The following CP variants were observed in gnomAD, a reference collection of about 807,000 sequenced individuals.
The protein encoded by CP is caeruloplasmin.
Under a neutral mutation model 122.4 loss-of-function variants are expected in CP, and 64 were observed. The observed-to-expected ratio is 0.52, with a 90% confidence interval of 0.43 to 0.64. CP has a LOEUF of 0.64. CP is among the 30% of genes least tolerant of loss of function. CP has a pLI of 0.00. For synonymous variants in CP, 440 were observed against 436.4 expected (o/e 1.01, Z -0.10); for missense variants, 1,167 against 1,284.4 (o/e 0.91, Z 1.40).
At chr3:149,190,368 C>T (rs192844863) in intron 9 of CP, among the ~76,000 whole-genome samples, 189 of 152,082 alleles carry the variant, frequency 1.2e-3, no homozygotes, top group Non-Finnish European at 4.3e-4. Flanking sequence ...TGATTAAAAA[C>T]ATAAACAGGC....
intron 13 of CP, among the ~76,000 whole-genome samples, chr3:149,183,031 G>A (rs1465431592): frequency 1.3e-5 from 2 of 152,006 alleles, no homozygotes; most frequent in Non-Finnish European, 2.9e-5. Flanking sequence ...CATCCCTGTA[G>A]TCCCAGCTAC....
Position 149,212,527 on chromosome 3 carries a change from A to G in CP, c.318T>C (p.Tyr106=), listed in dbSNP as rs764428918. ...IIKAETGDKV[Y]VHLKNLASRP... is the part of the protein sequence containing the mutation. ...TAGAGGCAAGGTTTTTTAAGTGTAC[A>G]TAAACTTTATCTCCAGTTTCAGCTT... The change falls in exon 2 of 19, where the codon TAT becomes TAC. Residue 106 remains tyrosine, a synonymous_variant. Transcript: ENST00000264613. 2.2e-5 allele frequency: 35 copies of G among 1,613,924 alleles called. No homozygotes were observed. The highest frequency in any genetic ancestry group is 2.8e-5 in the Non-Finnish European group (33 of 1,179,970).
chr3:149,207,609 C>T lies in CP; in HGVS notation c.790G>A (p.Gly264Arg). ...QESNRMYSVN[G>R]YTFGSLPGLS... Reference sequence around the variant, plus strand: ...CCTGGGAGACTTCCAAAAGTGTATCCATTCACAGCTGTAAGTCAAGAGCAG... The same window carrying T: ...CCTGGGAGACTTCCAAAAGTGTATCTATTCACAGCTGTAAGTCAAGAGCAG... The change falls in exon 5 of 19, where the codon GGA (glycine) becomes AGA (arginine). Residue 264 changes from glycine to arginine, a missense_variant. Physicochemically the swap from Gly to Arg is moderately radical, Grantham distance 125. This residue lies in a region of CP where 642 missense variants were observed against 627.3 expected (regional missense o/e 1.02). Transcript: ENST00000264613. 1.2e-6 allele frequency: 2 copies of T among 1,613,880 alleles called. No individual in the cohort carries two copies. The highest frequency in any genetic ancestry group is 1.7e-6 in the Non-Finnish European group (2 of 1,179,766).
At chr3:149,171,230 A>G (rs1724957554), downstream of CP, among the ~76,000 whole-genome samples, 1 of 152,202 alleles carries the variant, frequency 6.6e-6, no homozygotes, top group South Asian at 2.1e-4. Context: ...GTGAGCTGAG[A>G]TCGCACCACT....
At chr3:149,198,700 T>C in intron 8 of CP, 122 bp from the exon 9 acceptor site, 1 of 832,732 alleles carries the variant, frequency 1.2e-6, no homozygotes, top group South Asian at 1.5e-5. Context: ...TAAATTAGAA[T>C]GGAATCCCAC....
chr3:149,206,342 G>T lies in CP; in HGVS notation c.1037-3C>A, dbSNP rs754289834. 2.7e-5 allele frequency: 43 copies of T among 1,613,732 alleles called. No individual in the cohort carries two copies. The East Asian group carries it at 8.7e-4, about 33-fold the overall frequency. On this transcript the variant is annotated splice_polypyrimidine_tract_variant and splice_region_variant and intron_variant, in intron 5 of 18. Transcript: ENST00000264613. The stretch of plus-strand genomic sequence containing the variant: ...CTGGAAAAAGGCTTGCAAACCGGCT[G>T]AAATGAAACAGAAAGAGGCATTGAT...
chr3:149,195,447 G>C (rs1326161828), intron 9 of CP, among the ~76,000 whole-genome samples: 1 of 151,980 alleles, frequency 6.6e-6, no homozygotes, highest in Non-Finnish European at 1.5e-5. Flanking sequence ...GTCAAATAAG[G>C]GACTGATTGT....
At chr3:149,208,583 T>A (rs913489584) in intron 4 of CP, among the ~76,000 whole-genome samples, 1 of 152,186 alleles carries the variant, frequency 6.6e-6, no homozygotes, top group South Asian at 2.1e-4. Context: ...TAAACGAAAA[T>A]ATCTACTTAT....
intron 18 of CP, among the ~76,000 whole-genome samples, chr3:149,174,858 C>T (rs1187931697): frequency 6.6e-6 from 1 of 152,064 alleles, no homozygotes; most frequent in Non-Finnish European, 1.5e-5. Flanking sequence ...TTTCTCTTTG[C>T]AAAAGTCAAA....
intron 14 of CP, 24 bp downstream of exon 14, chr3:149,181,981 C>CGGGGGG: frequency 3.8e-6 from 2 of 520,432 alleles, no homozygotes; most frequent in Non-Finnish European, 7.4e-6. Context: ...AATGCACCAC[C>CGGGGGG]CCCACCCCCG....
At position 149,209,340 on chromosome 3, in the gene CP, C is replaced by T. The variant is rs768603982; in HGVS notation, c.652G>A (p.Val218Met). 1.6e-5 allele frequency: 26 copies of T among 1,613,658 alleles called. No individual in the cohort carries two copies. Among genetic ancestry groups the T allele is most frequent in the Non-Finnish European group, 2.1e-5 (25 of 1,179,772 alleles). ...TCATCCACCACAGAAAACATCACCA[C>T]AAATTCTCGGTCAATATGTTTTTCT... ...EKEKHIDREF[V>M]VMFSVVDENF... is the part of the protein sequence containing the mutation. Residue 218 changes from valine to methionine, a missense_variant, in exon 4 of 19, where the codon GTG becomes ATG. Val to Met is a conservative substitution (Grantham distance 21). Coordinates refer to ENST00000264613, the MANE Select transcript of CP (RefSeq NM_000096.4).
At position 149,162,884 on chromosome 3, in the gene CP, A is replaced by G. The variant is rs773797282; in HGVS notation, c.*14-9T>C. On this transcript the variant is annotated splice_polypyrimidine_tract_variant and intron_variant, in intron 5 of 5. Coordinates refer to the CP transcript ENST00000479771. ...TGCGAACATCGGAGGATCTGGTAAG[A>G]TAATGGAATAATACCTTAAATTTAA... is the stretch of plus-strand genomic sequence containing the variant. 5 of 1,607,324 alleles carry G rather than the reference A, an allele frequency of 3.1e-6. No homozygotes were observed. The South Asian group carries it at 5.5e-5, about 18-fold the overall frequency.
chr3:149,164,484 G>T (rs1448058502), intron 5 of CP, among the ~76,000 whole-genome samples: 11 of 152,332 alleles, frequency 7.2e-5, no homozygotes, highest in African/African-American at 2.6e-4. Flanking sequence ...TTGGCTGGCA[G>T]TGAGAATTAA....
At position 149,200,134 on chromosome 3, in the gene CP, C is replaced by T. The variant is rs190953502; in HGVS notation, c.1349-270G>A. ...TCAGTTAGTAAGCTTTACACATCTA[C>T]AAAAACTATTCAGAATGTTGAGACT... is the stretch of plus-strand genomic sequence containing the variant. On this transcript the variant is annotated intron_variant, in intron 7 of 18. Transcript: ENST00000264613. 218 of 441,182 alleles carry T rather than the reference C, an allele frequency of 4.9e-4. 1 individual carries two copies. Among genetic ancestry groups the T allele is most frequent in the Non-Finnish European group, 5.5e-4 (130 of 236,836 alleles). 27.3% of individuals were successfully genotyped at this position (441,182 alleles called of 1,614,324 possible).
intron 6 of CP, among the ~76,000 whole-genome samples, chr3:149,203,055 C>A (rs1356943939): frequency 6.7e-6 from 1 of 149,432 alleles, no homozygotes; most frequent in Admixed American, 6.7e-5. Context: ...TACAGGCGCC[C>A]GCCACAACGC....
intron 11 of CP, 82 bp downstream of exon 11, chr3:149,186,438 C>T: frequency 1.5e-6 from 2 of 1,324,042 alleles, no homozygotes; most frequent in Non-Finnish European, 2.2e-6. Flanking sequence ...ATAAGTTTAT[C>T]ACCCAACACA....
chr3:149,183,359 T>G, intron 13 of CP, 107 bp downstream of exon 13: 1 of 1,177,634 alleles, frequency 8.5e-7, no homozygotes, highest in Non-Finnish European at 1.2e-6. Context: ...TTGAACAACT[T>G]TGATATATGA....
At chr3:149,193,193 C>T (rs1726658674) in intron 9 of CP, among the ~76,000 whole-genome samples, 1 of 152,144 alleles carries the variant, frequency 6.6e-6, no homozygotes, top group Admixed American at 6.6e-5. Flanking sequence ...TTGACAAGCA[C>T]ATAAGTTGTG....
intron 5 of CP, chr3:149,163,881 G>C (rs764013864): frequency 2.5e-6 from 4 of 1,585,120 alleles, no homozygotes; most frequent in South Asian, 2.2e-5. Context: ...TTATCCATGG[G>C]TTCACGTCGT....
Sources: gnomAD v4.1 joint callset for allele counts (sites outside exome capture counted in the v4.1 genomes callset) on GRCh38, gnomAD v4.1.1 for gene constraint, gnomAD v4.1.1 regional missense constraint, MANE v1.5 for transcripts, NCBI Gene and HGNC (gene_info 2026-07-23, HGNC 2026-07-21) for gene names.